The following C4orf17 variants were observed in gnomAD, a reference collection of about 807,000 sequenced individuals.
C4orf17 encodes uncharacterized protein C4orf17.
A neutral mutation model predicts 32.0 loss-of-function variants in C4orf17; 25 were observed. That is an observed-to-expected ratio of 0.78 (90% CI 0.57 to 1.09). The LOEUF (loss-of-function observed/expected upper bound fraction) is 1.09. C4orf17 is among the 50% of genes least tolerant of loss of function. The pLI, the probability that C4orf17 is intolerant of heterozygous loss-of-function variation, is 0.00. For synonymous variants in C4orf17, 149 were observed against 145.8 expected (o/e 1.02, Z -0.16); for missense variants, 420 against 420.0 (o/e 1.00, Z 0.00).
At position 99,542,058 on chromosome 4, in the gene C4orf17, A is replaced by G; in HGVS notation, c.1029A>G (p.Glu343=). The G allele has an allele frequency of 6.2e-7, 1 of 1,614,160 alleles. No individual in the cohort carries two copies. Among genetic ancestry groups the G allele is most frequent in the Non-Finnish European group, 8.5e-7 (1 of 1,180,004 alleles). ...AKPVSARSIQ[E]YNLCPQRACY... ...CAGTGTCAGCAAGGAGTATACAAGA[A>G]TACAACCTCTGTCCCCAAAGAGCAT... The change falls in exon 9 of 9, where the codon GAA becomes GAG. Residue 343 remains glutamate, a synonymous_variant. Transcript: ENST00000326581.
chr4:99,515,379 G>C (rs144363309), intron 2 of C4orf17, among the ~76,000 whole-genome samples: 11 of 152,148 alleles, frequency 7.2e-5, no homozygotes, highest in African/African-American at 2.6e-4. Flanking sequence ...AAAAGAATGA[G>C]ATCATGTCCT....
intron 7 of C4orf17, 107 bp from the exon 8 acceptor site, chr4:99,540,305 C>T: frequency 1.5e-6 from 1 of 660,720 alleles, no homozygotes. Flanking sequence ...ATTGGGGTAG[C>T]ATATTTAAGA....
intron 2 of C4orf17, among the ~76,000 whole-genome samples, chr4:99,519,668 C>T (rs895915089): frequency 3.3e-5 from 5 of 152,130 alleles, no homozygotes; most frequent in African/African-American, 9.7e-5. Context: ...TGTCCCTGAG[C>T]AATTGATTTC....
chr4:99,520,089 A>AT (rs33976011), intron 2 of C4orf17, among the ~76,000 whole-genome samples: 60,571 of 139,598 alleles, frequency 0.43, 16,164 homozygotes, highest in Non-Finnish European at 0.58. Context: ...CCCACATTTA[A>AT]TTTTTTTTTT....
chr4:99,514,922 A>G (rs561789875), intron 2 of C4orf17, among the ~76,000 whole-genome samples: 1 of 152,352 alleles, frequency 6.6e-6, no homozygotes, highest in East Asian at 1.9e-4. Context: ...CTACTCAGCC[A>G]TAAAGAGGAA....
chr4:99,522,731 GAAAT>G (rs749066443), intron 3 of C4orf17, 22 bp downstream of exon 3: 1 of 1,590,518 alleles, frequency 6.3e-7, no homozygotes, highest in Non-Finnish European at 8.6e-7. Context: ...TAGAACTGAT[GAAAT>G]GTTTCCTTAT....
At position 99,519,833 on chromosome 4, in the gene C4orf17, T is replaced by G. The variant is rs189753052; in HGVS notation, c.128-2667T>G. Among the ~76,000 whole-genome samples the G allele has an allele frequency of 6.6e-5, 10 of 152,190 alleles. No individual in the cohort carries two copies. In the East Asian group the frequency reaches 1.9e-3, roughly 29 times the overall value. ...GAGAGAGGAGAAGAGAAGGTTGAAC[T>G]TGGGGTAGAGAGAGGAAAGTCCAGC... On this transcript the variant is annotated intron_variant, in intron 2 of 8. Transcript: ENST00000326581.
In C4orf17 at chr4:99,517,500, C is replaced by T. The variant is rs114345807; in HGVS notation, c.127+4292C>T. Among the ~76,000 whole-genome samples the T allele has an allele frequency of 2.5e-3, 374 of 152,176 alleles. 1 individual carries two copies. The highest frequency in any genetic ancestry group is 8.3e-3 in the African/African-American group (346 of 41,514). The stretch of plus-strand genomic sequence containing the variant: ...CTACACTGCAATCCTCATCTTGACC[C>T]CTTAGCTGCATTTGGCACAGCTAAC... On this transcript the variant is annotated intron_variant, in intron 2 of 8. Coordinates refer to ENST00000326581, the MANE Select transcript of C4orf17 (RefSeq NM_032149.3).
chr4:99,537,869 TCC>T, intron 6 of C4orf17, 119 bp downstream of exon 6: 1 of 765,162 alleles, frequency 1.3e-6, no homozygotes, highest in Non-Finnish European at 2.3e-6. Flanking sequence ...CAATATTATT[TCC>T]GCAATGTTTC....
chr4:99,518,534 TATATATATATAGAGAGAGAGAG>T (rs1723229828), intron 2 of C4orf17, among the ~76,000 whole-genome samples: 2 of 72,596 alleles, frequency 2.8e-5, no homozygotes, highest in African/African-American at 7.7e-5. Flanking sequence ...TATATATATA[TATATATATATAGAGAGAGAGAG>T]AGAGAGAGAG....
At chr4:99,534,654 CT>C (rs1417544392) in intron 5 of C4orf17, among the ~76,000 whole-genome samples, 1 of 152,140 alleles carries the variant, frequency 6.6e-6, no homozygotes, top group East Asian at 1.9e-4. Context: ...TGTCTTTTGA[CT>C]TTTTAATAAT....
chr4:99,535,094 C>G (rs1347687839), intron 5 of C4orf17, among the ~76,000 whole-genome samples: 1 of 152,180 alleles, frequency 6.6e-6, no homozygotes, highest in African/African-American at 2.4e-5. Flanking sequence ...AGGGTTTCCA[C>G]TGAGAGATCT....
intron 5 of C4orf17, among the ~76,000 whole-genome samples, chr4:99,534,119 C>T (rs1428376371): frequency 6.6e-6 from 1 of 152,122 alleles, no homozygotes. Context: ...AGCTATTCTT[C>T]CTGATGCTCT....
intron 1 of C4orf17, among the ~76,000 whole-genome samples, chr4:99,512,427 T>C (rs1463434564): frequency 6.6e-6 from 1 of 152,184 alleles, no homozygotes; most frequent in Non-Finnish European, 1.5e-5. Context: ...TAACTGTTAC[T>C]CAATATTGCA....
intron 5 of C4orf17, among the ~76,000 whole-genome samples, chr4:99,531,478 G>A (rs533145038): frequency 2.0e-3 from 304 of 152,262 alleles, no homozygotes; most frequent in Non-Finnish European, 3.8e-3. Context: ...CAATAGAACA[G>A]CGTGATCCTA....
At chr4:99,535,256 A>T (rs1401287699) in intron 5 of C4orf17, among the ~76,000 whole-genome samples, 1 of 152,070 alleles carries the variant, frequency 6.6e-6, no homozygotes, top group Non-Finnish European at 1.5e-5. Flanking sequence ...AGGGTTCTCC[A>T]GATTTCCTGA....
At chr4:99,527,450 A>C (rs1164413424) in intron 4 of C4orf17, among the ~76,000 whole-genome samples, 1 of 152,222 alleles carries the variant, frequency 6.6e-6, no homozygotes. Context: ...CTACAGCAGC[A>C]GCTCCCAAAC....
intron 2 of C4orf17, among the ~76,000 whole-genome samples, chr4:99,517,184 C>T (rs897846274): frequency 2.0e-5 from 3 of 152,188 alleles, no homozygotes; most frequent in African/African-American, 7.2e-5. Context: ...CAGCAGATTT[C>T]GCAAAATTCT....
chr4:99,518,576 G>GAA (rs1560585637), intron 2 of C4orf17, among the ~76,000 whole-genome samples: 11 of 124,696 alleles, frequency 8.8e-5, no homozygotes, highest in Non-Finnish European at 1.7e-4. Context: ...GAGAGAGAGA[G>GAA]AGAGAGAGGG....
Sources: gnomAD v4.1 joint callset for allele counts (sites outside exome capture counted in the v4.1 genomes callset) on GRCh38, gnomAD v4.1.1 for gene constraint, MANE v1.5 for transcripts, NCBI Gene and HGNC (gene_info 2026-07-23, HGNC 2026-07-21) for gene names.